Variants in WNT9B observed in about 807,000 individuals in gnomAD.
The protein encoded by WNT9B is Wnt family member 9B.
A neutral mutation model predicts 30.2 loss-of-function variants in WNT9B; 12 were observed. The ratio of observed to expected loss-of-function variants is 0.40; its 90% CI spans 0.26 to 0.64. WNT9B has a LOEUF of 0.64. Among genes scored for constraint, WNT9B ranks in the 30% least tolerant of loss-of-function variants. WNT9B has a pLI of 0.42. For synonymous variants in WNT9B, 218 were observed against 216.9 expected, an observed-to-expected ratio of 1.01 and a Z score of -0.05; for missense variants, 442 against 485.2, an observed-to-expected ratio of 0.91 and a Z score of 0.84.
At chr17:46,881,216 A>C (rs375068276), downstream of WNT9B, among the ~76,000 whole-genome samples, 11 of 152,286 alleles carry the variant, frequency 7.2e-5, no homozygotes, top group African/African-American at 2.6e-4. Flanking sequence ...CATTGCCTTA[A>C]CTGGGCTCCC....
At chr17:46,874,792 G>A (rs1481829186) in intron 2 of WNT9B, among the ~76,000 whole-genome samples, 1 of 152,134 alleles carries the variant, frequency 6.6e-6, no homozygotes, top group Non-Finnish European at 1.5e-5. Flanking sequence ...TGGCCAGACT[G>A]GTCTTGAACT....
downstream of WNT9B, among the ~76,000 whole-genome samples, chr17:46,883,370 C>T (rs527904563): frequency 1.1e-4 from 17 of 151,474 alleles, no homozygotes; most frequent in South Asian, 2.9e-3. Flanking sequence ...CTACAACCTC[C>T]GCCTCCCGGG....
intron 1 of WNT9B, among the ~76,000 whole-genome samples, chr17:46,862,088 G>T (rs2085047807): frequency 6.6e-6 from 1 of 151,418 alleles, no homozygotes; most frequent in African/African-American, 2.4e-5. Context: ...GCTTGAACCT[G>T]GGAGGCGGAG....
At chr17:46,858,598 A>G (rs2084978730) in intron 1 of WNT9B, among the ~76,000 whole-genome samples, 1 of 152,162 alleles carries the variant, frequency 6.6e-6, no homozygotes, top group Non-Finnish European at 1.5e-5. Context: ...TAAAAACATA[A>G]TAACTAGTAT....
intron 1 of WNT9B, among the ~76,000 whole-genome samples, chr17:46,843,038 C>A (rs2084734255): frequency 6.6e-6 from 1 of 152,168 alleles, no homozygotes; most frequent in Non-Finnish European, 1.5e-5. Flanking sequence ...GCTAGTGACT[C>A]CTATTGGAGA....
downstream of WNT9B, among the ~76,000 whole-genome samples, chr17:46,880,903 G>C (rs1289137822): frequency 6.6e-6 from 1 of 152,210 alleles, no homozygotes; most frequent in Non-Finnish European, 1.5e-5. Context: ...CTCATGCTAT[G>C]GCAAGCAGCA....
chr17:46,876,349 C>G lies in WNT9B; in HGVS notation c.705C>G (p.Gly235=). The G allele has an allele frequency of 6.2e-7, 1 of 1,614,138 alleles. No individual in the cohort carries two copies. Among genetic ancestry groups the G allele is most frequent in the South Asian group, 1.1e-5 (1 of 91,088 alleles). Residue 235 remains glycine, a synonymous_variant, in exon 4 of 4, where the codon GGC becomes GGG. Coordinates refer to ENST00000290015, the MANE Select transcript of WNT9B (RefSeq NM_003396.3). ...WKQLSPFRET[G]QVLKLRYDSA... is the part of the protein sequence containing the mutation. The stretch of plus-strand genomic sequence containing the variant: ...AGCTCTCCCCGTTCCGTGAGACGGG[C>G]CAGGTGCTGAAACTGCGCTATGACT...
chr17:46,844,856 T>C (rs1321773641), intron 1 of WNT9B, among the ~76,000 whole-genome samples: 1 of 152,142 alleles, frequency 6.6e-6, no homozygotes, highest in Admixed American at 6.6e-5. Context: ...TTCTTTTTTA[T>C]TTTTTGGAGA....
chr17:46,836,095 C>CTGTGT (rs771533837), intron 1 of WNT9B, among the ~76,000 whole-genome samples: 4 of 126,434 alleles, frequency 3.2e-5, no homozygotes, highest in Non-Finnish European at 6.5e-5. Context: ...GAGACGCTGA[C>CTGTGT]GTGTGTGTGT....
At position 46,851,798 on chromosome 17, in the gene WNT9B, C is replaced by T. The variant is rs2084851492; in HGVS notation, c.77+83C>T. ...GCTACAGCTGGGCCAATTTTTCCCT[C>T]CCGCTGTCCTTGGCCCCGCCGAGGT... On this transcript the variant is annotated intron_variant, in intron 1 of 3. Transcript: ENST00000290015. The surrounding 1 kb of genome is among the most constrained non-coding windows in gnomAD (Gnocchi z 4.3). 3 of 718,374 alleles carry T rather than the reference C, an allele frequency of 4.2e-6. No homozygotes were observed. Among genetic ancestry groups the T allele is most frequent in the African/African-American group, 1.8e-5 (1 of 54,080 alleles). The allele number at this position is 718,374 out of a possible 1,614,324, so 44.5% of individuals were successfully genotyped here. A position where few individuals can be genotyped will look rare whatever the true frequency, so the allele number is the denominator to read the frequency against.
downstream of WNT9B, among the ~76,000 whole-genome samples, chr17:46,882,332 G>C (rs560694636): frequency 2.0e-5 from 3 of 152,128 alleles, no homozygotes; most frequent in African/African-American, 7.2e-5. Flanking sequence ...TGCATGTCTC[G>C]TGGAATACCT....
chr17:46,851,903 C>T lies in WNT9B; in HGVS notation c.77+188C>T, dbSNP rs560889299. ...GCGCCCTGAGTTCGGTCTCCAGCTT[C>T]CCCGGCTCCGAATCCATCGCCCTGT... On this transcript the variant is annotated intron_variant, in intron 1 of 3. Transcript: ENST00000290015. The surrounding 1 kb of genome is among the most constrained non-coding windows in gnomAD (Gnocchi z 4.3). Among the ~76,000 whole-genome samples the T allele has an allele frequency of 2.1e-3, 318 of 152,328 alleles. 1 individual carries two copies. The highest frequency in any genetic ancestry group is 3.9e-3 in the Non-Finnish European group (267 of 68,028).
chr17:46,846,725 C>T (rs1365800577), upstream of WNT9B, among the ~76,000 whole-genome samples: 1 of 152,120 alleles, frequency 6.6e-6, no homozygotes, highest in African/African-American at 2.4e-5. Context: ...AGGCAAGGGG[C>T]AAGAGAAGGT....
intron 1 of WNT9B, among the ~76,000 whole-genome samples, chr17:46,844,383 C>T (rs2084750205): frequency 6.7e-6 from 1 of 148,556 alleles, no homozygotes; most frequent in Non-Finnish European, 1.5e-5. Flanking sequence ...CGAGTCTCTC[C>T]TTTGTTTAAA....
At chr17:46,836,095 C>CGTACGTGTGT (rs1555692746) in intron 1 of WNT9B, among the ~76,000 whole-genome samples, 16 of 126,502 alleles carry the variant, frequency 1.3e-4, no homozygotes, top group African/African-American at 5.1e-4. Context: ...GAGACGCTGA[C>CGTACGTGTGT]GTGTGTGTGT....
chr17:46,844,663 A>C (rs1598830485), intron 1 of WNT9B, among the ~76,000 whole-genome samples: 1 of 152,216 alleles, frequency 6.6e-6, no homozygotes, highest in East Asian at 1.9e-4. Flanking sequence ...TTTAGAGAGC[A>C]AGAACTTACT....
chr17:46,842,444 G>A (rs567502253), intron 1 of WNT9B, among the ~76,000 whole-genome samples: 47 of 152,204 alleles, frequency 3.1e-4, no homozygotes, highest in Non-Finnish European at 3.2e-4. Flanking sequence ...GCGCGATCAC[G>A]GCTCACTGCA....
At chr17:46,839,971 TCTTTCTCTTC>T (rs1442108678) in intron 1 of WNT9B, among the ~76,000 whole-genome samples, 112 of 144,452 alleles carry the variant, frequency 7.8e-4, no homozygotes, top group African/African-American at 1.1e-3. Context: ...TTTCTTTCTT[TCTTTCTCTTC>T]TTTCTTTCTT....
chr17:46,854,810 C>T (rs1598841257), intron 1 of WNT9B, among the ~76,000 whole-genome samples: 1 of 152,042 alleles, frequency 6.6e-6, no homozygotes, highest in Admixed American at 6.6e-5. Context: ...CTGGTGCCCC[C>T]CATCACACCC....
Sources: allele counts gnomAD v4.1 joint callset (sites outside exome capture counted in the v4.1 genomes callset), GRCh38; gene constraint gnomAD v4.1.1; non-coding constraint Gnocchi (gnomAD v3.1); transcripts MANE v1.5; gene names NCBI Gene and HGNC (gene_info 2026-07-23, HGNC 2026-07-21).